The following LRRTM4 variants were observed in gnomAD, a reference collection of about 807,000 sequenced individuals.
The protein encoded by LRRTM4 is leucine rich repeat transmembrane neuronal 4.
A neutral mutation model predicts 47.6 loss-of-function variants in LRRTM4; 25 were observed. That is an observed-to-expected ratio of 0.53 (90% CI 0.38 to 0.73). LRRTM4 has a LOEUF of 0.73. Ranked by LOEUF, LRRTM4 falls within the 30% of genes least tolerant of loss-of-function variation. LRRTM4 has a pLI of 0.00. For synonymous variants in LRRTM4, 311 were observed against 269.5 expected (o/e 1.15, Z -1.51); for missense variants, 638 against 713.4 (o/e 0.89, Z 1.20).
chr2:76,788,252 T>C (rs1352586792), intron 3 of LRRTM4, among the ~76,000 whole-genome samples: 1 of 152,162 alleles, frequency 6.6e-6, no homozygotes, highest in Admixed American at 6.5e-5. Flanking sequence ...AGCAATTGAC[T>C]ATGCCTTAGC....
At chr2:77,278,786 C>T (rs1676433670) in intron 3 of LRRTM4, among the ~76,000 whole-genome samples, 1 of 151,864 alleles carries the variant, frequency 6.6e-6, no homozygotes, top group African/African-American at 2.4e-5. Context: ...TGGACTCTAC[C>T]ACTTTCTGAC....
At chr2:77,465,125 T>C (rs1358516091) in intron 3 of LRRTM4, among the ~76,000 whole-genome samples, 1 of 152,142 alleles carries the variant, frequency 6.6e-6, no homozygotes, top group African/African-American at 2.4e-5. Flanking sequence ...TATAGTTTTT[T>C]TAAATGGTCT....
intron 3 of LRRTM4, among the ~76,000 whole-genome samples, chr2:77,459,803 G>T (rs1050392568): frequency 4.1e-5 from 6 of 147,386 alleles, no homozygotes; most frequent in African/African-American, 1.5e-4. Flanking sequence ...TAAAGCCAAT[G>T]TACAGACAAA....
intron 3 of LRRTM4, among the ~76,000 whole-genome samples, chr2:77,388,538 T>A (rs1288948287): frequency 1.3e-4 from 20 of 152,146 alleles, no homozygotes; most frequent in Admixed American, 9.8e-4. Flanking sequence ...AATGTAAGTG[T>A]TTTTGAAATT....
intron 3 of LRRTM4, among the ~76,000 whole-genome samples, chr2:77,359,441 T>C (rs1672094961): frequency 6.6e-6 from 1 of 152,328 alleles, no homozygotes; most frequent in Non-Finnish European, 1.5e-5. Flanking sequence ...TTATATTAAC[T>C]ATTGTAGTTA....
chr2:76,912,596 T>C (rs187529756), intron 3 of LRRTM4, among the ~76,000 whole-genome samples: 13 of 152,312 alleles, frequency 8.5e-5, no homozygotes, highest in African/African-American at 2.9e-4. Flanking sequence ...GCCAAAAAAA[T>C]TGATATCGTA....
chr2:76,970,880 G>A (rs1176349063), intron 3 of LRRTM4, among the ~76,000 whole-genome samples: 3 of 152,102 alleles, frequency 2.0e-5, no homozygotes, highest in South Asian at 2.1e-4. Context: ...GAATGACTGA[G>A]ACAAGAACAG....
At position 77,365,278 on chromosome 2, in the gene LRRTM4, T is replaced by A. The variant is rs76553234; in HGVS notation, c.1551+153040A>T. Among the ~76,000 whole-genome samples the A allele has an allele frequency of 2.2e-4, 34 of 152,140 alleles. No homozygotes were observed. In the East Asian group the frequency reaches 6.2e-3, roughly 28 times the overall value. On this transcript the variant is annotated intron_variant, in intron 3 of 3. Coordinates refer to ENST00000409884, the MANE Select transcript of LRRTM4 (RefSeq NM_001134745.3). ...AACAAAGTTTCATCACCTAGTTATG[T>A]TCCATATATCACAAAGTTTAGCTCT...
chr2:77,432,148 C>A (rs938685593), intron 3 of LRRTM4, among the ~76,000 whole-genome samples: 1 of 152,174 alleles, frequency 6.6e-6, no homozygotes, highest in Non-Finnish European at 1.5e-5. Context: ...GGGCAGACAA[C>A]ATTATATCTT....
chr2:77,007,567 C>T lies in LRRTM4; in HGVS notation c.1552-258651G>A, dbSNP rs544880453. Among the ~76,000 whole-genome samples the T allele has an allele frequency of 1.2e-4, 18 of 152,214 alleles. No homozygotes were observed. The South Asian group carries it at 2.5e-3, about 21-fold the overall frequency. On this transcript the variant is annotated intron_variant, in intron 3 of 3. Coordinates refer to ENST00000409884, the MANE Select transcript of LRRTM4 (RefSeq NM_001134745.3). ...AAGGTCTGAGAAAGTGTTAATCTGC[C>T]ATAGTGCTTTTGCTGTCTATAAAAA... is the stretch of plus-strand genomic sequence containing the variant.
intron 3 of LRRTM4, among the ~76,000 whole-genome samples, chr2:77,069,182 G>A (rs1156641851): frequency 6.6e-6 from 1 of 152,140 alleles, no homozygotes; most frequent in Non-Finnish European, 1.5e-5. Flanking sequence ...TTCTGTGTGT[G>A]TGTCTTTAAT....
At chr2:76,867,954 G>A (rs1253466689) in intron 3 of LRRTM4, among the ~76,000 whole-genome samples, 1 of 152,132 alleles carries the variant, frequency 6.6e-6, no homozygotes, top group Admixed American at 6.5e-5. Flanking sequence ...GAATGTTCTA[G>A]AGAGATCAAT....
At chr2:76,828,702 A>G (rs1671252659) in intron 3 of LRRTM4, among the ~76,000 whole-genome samples, 1 of 151,916 alleles carries the variant, frequency 6.6e-6, no homozygotes, top group Admixed American at 6.6e-5. Context: ...AATTAATGTG[A>G]GCTCATATGA....
rs944997403 is a variant in LRRTM4 at position 77,246,116 on chromosome 2, G to A, written c.1551+272202C>T. Among the ~76,000 whole-genome samples the A allele has an allele frequency of 2.0e-5, 3 of 152,142 alleles. No individual in the cohort carries two copies. In the East Asian group the frequency reaches 5.8e-4, roughly 29 times the overall value. On this transcript the variant is annotated intron_variant, in intron 3 of 3. Coordinates refer to ENST00000409884, the MANE Select transcript of LRRTM4 (RefSeq NM_001134745.3). Reference sequence around the variant, plus strand: ...CAAAGCTTCCTTTACTTTGAAATGTGTGTGATTCTAGATATAAACATTTGC... The same window carrying A: ...CAAAGCTTCCTTTACTTTGAAATGTATGTGATTCTAGATATAAACATTTGC...
At chr2:77,017,877 TTATA>T (rs1678123957) in intron 3 of LRRTM4, among the ~76,000 whole-genome samples, 1 of 151,268 alleles carries the variant, frequency 6.6e-6, no homozygotes, top group East Asian at 2.0e-4. Context: ...CACCCAAAAA[TTATA>T]TATTAGAAAG....
At chr2:76,890,048 T>C (rs1332985527) in intron 3 of LRRTM4, among the ~76,000 whole-genome samples, 1 of 151,966 alleles carries the variant, frequency 6.6e-6, no homozygotes, top group Non-Finnish European at 1.5e-5. Flanking sequence ...CATTTGGAAA[T>C]GAATGTCCCA....
In LRRTM4 at chr2:77,070,253, A is replaced by C. The variant is rs548290131; in HGVS notation, c.1552-321337T>G. ...TCATTTTTTTAAAAAATAAAATACA[A>C]TAAATGCTCCACAGGTTGCTGCATG... is the stretch of plus-strand genomic sequence containing the variant. On this transcript the variant is annotated intron_variant, in intron 3 of 3. Coordinates refer to ENST00000409884, the MANE Select transcript of LRRTM4 (RefSeq NM_001134745.3). 4.5e-4 allele frequency among the ~76,000 whole-genome samples: 68 copies of C among 152,080 alleles called. 1 individual carries two copies. The South Asian group carries it at 0.013, about 30-fold the overall frequency.
chr2:77,058,482 CT>C, intron 3 of LRRTM4, among the ~76,000 whole-genome samples: 1 of 150,334 alleles, frequency 6.7e-6, no homozygotes, highest in East Asian at 2.0e-4. Context: ...GCCTCTTTTT[CT>C]TTTTTTCATC....
chr2:77,103,151 T>C (rs1424014390), intron 3 of LRRTM4, among the ~76,000 whole-genome samples: 4 of 152,118 alleles, frequency 2.6e-5, no homozygotes, highest in South Asian at 4.1e-4. Context: ...CAGGTTTCAT[T>C]TGGGGGCAGA....
Sources: gnomAD v4.1 joint callset for allele counts (sites outside exome capture counted in the v4.1 genomes callset) on GRCh38, gnomAD v4.1.1 for gene constraint, MANE v1.5 for transcripts, NCBI Gene and HGNC (gene_info 2026-07-23, HGNC 2026-07-21) for gene names.